ELAPOR2: variants seen among roughly 807,000 people sequenced by gnomAD.
ELAPOR2 encodes the protein endosome-lysosome associated apoptosis and autophagy regulator family member 2.
A neutral mutation model predicts 120.7 loss-of-function variants in ELAPOR2; 89 were observed. The observed-to-expected ratio is 0.74, with a 90% CI of 0.62 to 0.88. The LOEUF (loss-of-function observed/expected upper bound fraction) is 0.88. ELAPOR2 is among the 40% of genes least tolerant of loss of function. The pLI is 0.00. For missense variants in ELAPOR2, 1,134 were observed against 1,251.6 expected (o/e 0.91, Z 1.42); for synonymous variants, 444 against 444.9 (o/e 1.00, Z 0.03).
chr7:86,968,307 A>G (rs924547109), intron 1 of ELAPOR2, among the ~76,000 whole-genome samples: 1 of 152,176 alleles, frequency 6.6e-6, no homozygotes, highest in African/African-American at 2.4e-5. Context: ...GAAAAAGTAG[A>G]TTATTTCTCA....
intron 21 of ELAPOR2, among the ~76,000 whole-genome samples, chr7:86,881,485 T>C (rs1413160960): frequency 6.6e-6 from 1 of 151,674 alleles, no homozygotes; most frequent in African/African-American, 2.4e-5. Flanking sequence ...CCCTCCTGAG[T>C]AGCTGGGATT....
intron 2 of ELAPOR2, 105 bp downstream of exon 2, chr7:86,964,799 C>T (rs892145968): frequency 2.6e-5 from 32 of 1,250,862 alleles, no homozygotes; most frequent in Admixed American, 4.5e-5. Flanking sequence ...GCCATATGCT[C>T]ATTTTTGTAA....
chr7:86,987,852 T>C (rs1311580670), intron 1 of ELAPOR2, among the ~76,000 whole-genome samples: 2 of 152,206 alleles, frequency 1.3e-5, no homozygotes, highest in Non-Finnish European at 2.9e-5. Flanking sequence ...ACTGGGTATA[T>C]ACCCAAAGGA....
At chr7:87,054,915 T>C (rs1795216000) in intron 1 of ELAPOR2, among the ~76,000 whole-genome samples, 7 of 152,230 alleles carry the variant, frequency 4.6e-5, no homozygotes, top group Admixed American at 4.6e-4. Context: ...GGCTTTTCTT[T>C]TTCCCACAAC....
chr7:86,980,480 C>G (rs1371008267), intron 1 of ELAPOR2, among the ~76,000 whole-genome samples: 1 of 152,182 alleles, frequency 6.6e-6, no homozygotes, highest in East Asian at 1.9e-4. Flanking sequence ...GACACCTTCC[C>G]TAGTCAGTTC....
At chr7:86,893,124 C>T (rs774837308) in intron 19 of ELAPOR2, 24 bp from the exon 20 acceptor site, 2 of 1,476,096 alleles carry the variant, frequency 1.4e-6, no homozygotes, top group Non-Finnish European at 1.8e-6. Flanking sequence ...AACATAAAAC[C>T]ATAGAAGACA....
At chr7:86,956,191 C>T (rs1791465128) in intron 2 of ELAPOR2, among the ~76,000 whole-genome samples, 1 of 152,076 alleles carries the variant, frequency 6.6e-6, no homozygotes, top group Non-Finnish European at 1.5e-5. Context: ...TTTAATTTTT[C>T]ACTAAGAGTT....
intron 8 of ELAPOR2, among the ~76,000 whole-genome samples, chr7:86,936,197 T>C (rs2116306151): frequency 6.6e-6 from 1 of 152,164 alleles, no homozygotes; most frequent in Middle Eastern, 3.4e-3. Context: ...TCAGCAAGAA[T>C]AAAATATCTA....
chr7:86,957,879 TA>T (rs1418693878), intron 2 of ELAPOR2, among the ~76,000 whole-genome samples: 4 of 152,306 alleles, frequency 2.6e-5, no homozygotes, highest in Admixed American at 1.3e-4. Flanking sequence ...AAATTTATTT[TA>T]TTTTTATAAA....
In ELAPOR2 at chr7:86,980,057, T is replaced by C. The variant is rs142954288; in HGVS notation, c.190-15033A>G. Among the ~76,000 whole-genome samples, 273 of 152,334 alleles carry C rather than the reference T, an allele frequency of 1.8e-3. 1 individual carries two copies. Among genetic ancestry groups the C allele is most frequent in the African/African-American group, 6.3e-3 (260 of 41,574 alleles). On this transcript the variant is annotated intron_variant, in intron 1 of 21. Transcript: ENST00000450689. ...CAGGCAAAAGCACAGACTTGGTCTTTGACAGAGATATTAAAGAAGAAATTA... is the reference window on the plus strand; with the variant it reads ...CAGGCAAAAGCACAGACTTGGTCTTCGACAGAGATATTAAAGAAGAAATTA...
At chr7:86,946,159 TCA>T (rs3223108) in intron 3 of ELAPOR2, among the ~76,000 whole-genome samples, 6,195 of 146,026 alleles carry the variant, frequency 0.042, 138 homozygotes, top group Non-Finnish European at 0.06. Context: ...ATACCATTTC[TCA>T]CACACACACA....
intron 1 of ELAPOR2, among the ~76,000 whole-genome samples, chr7:87,049,207 G>C (rs1795033991): frequency 6.6e-6 from 1 of 152,112 alleles, no homozygotes. Flanking sequence ...ACATTATTAT[G>C]GATGCTAAAA....
chr7:87,052,920 C>A (rs1179784287), intron 1 of ELAPOR2, among the ~76,000 whole-genome samples: 1 of 152,110 alleles, frequency 6.6e-6, no homozygotes, highest in African/African-American at 2.4e-5. Context: ...CCTCAGCATC[C>A]CAAGTAGCTG....
chr7:87,025,767 A>C (rs1482202766), intron 1 of ELAPOR2, among the ~76,000 whole-genome samples: 1 of 152,186 alleles, frequency 6.6e-6, no homozygotes, highest in African/African-American at 2.4e-5. Context: ...TAAATTTAAA[A>C]CATTTCAAGT....
intron 1 of ELAPOR2, among the ~76,000 whole-genome samples, chr7:87,011,694 T>G (rs1446804048): frequency 6.6e-6 from 1 of 152,200 alleles, no homozygotes; most frequent in African/African-American, 2.4e-5. Flanking sequence ...GAGAAATGTG[T>G]TGGTGGGTCA....
intron 6 of ELAPOR2, among the ~76,000 whole-genome samples, chr7:86,939,691 A>C (rs1041891272): frequency 1.3e-5 from 2 of 152,128 alleles, no homozygotes; most frequent in African/African-American, 4.8e-5. Flanking sequence ...AATGTCTGGC[A>C]CAACAGACAT....
At position 86,925,553 on chromosome 7, in the gene ELAPOR2, C is replaced by T. The variant is rs770310496; in HGVS notation, c.1374G>A (p.Gly458=). The T allele has an allele frequency of 6.2e-7, 1 of 1,611,762 alleles. No homozygotes were observed. Among genetic ancestry groups the T allele is most frequent in the African/African-American group, 1.3e-5 (1 of 74,746 alleles). The change falls in exon 10 of 22, where the codon GGG becomes GGA. Residue 458 remains glycine (G), a synonymous_variant. Transcript: ENST00000450689. The stretch of plus-strand genomic sequence containing the variant: ...CATTCATTCCATCGCACTTTGAATT[C>T]CCAACATTGAAGCAGGAAGTTTTCA... ...GNMKTSCFNV[G]NSKCDGMNGW...
chr7:86,966,609 C>CCTAAAGGT, intron 1 of ELAPOR2, among the ~76,000 whole-genome samples: 1 of 152,326 alleles, frequency 6.6e-6, no homozygotes, highest in South Asian at 2.1e-4. Flanking sequence ...GTTACAACAA[C>CCTAAAGGT]ACTTCCCTTC....
intron 1 of ELAPOR2, among the ~76,000 whole-genome samples, chr7:86,972,560 T>C (rs1792139356): frequency 6.6e-6 from 1 of 151,546 alleles, no homozygotes; most frequent in Non-Finnish European, 1.5e-5. Context: ...CTAGGGAGGT[T>C]ACAGATTCAG....
Sources: gnomAD v4.1 joint callset for allele counts (sites outside exome capture counted in the v4.1 genomes callset) on GRCh38, gnomAD v4.1.1 for gene constraint, MANE v1.5 for transcripts, NCBI Gene and HGNC (gene_info 2026-07-23, HGNC 2026-07-21) for gene names.